PRPF31: variants seen among roughly 807,000 people sequenced by gnomAD.
PRPF31 encodes pre-mRNA processing factor 31.
In PRPF31, 12 loss-of-function variants were observed where a neutral mutation model predicts 60.4. The ratio of observed to expected loss-of-function variants is 0.20; its 90% CI spans 0.13 to 0.32. The LOEUF is 0.32. PRPF31 is among the 10% of genes least tolerant of loss of function. The pLI is 1.00. For missense variants in PRPF31, 431 were observed against 687.1 expected (o/e 0.63, Z 4.17); for synonymous variants, 287 against 287.9 (o/e 1.00, Z 0.03).
chr19:54,116,816 C>A (rs1202267842), intron 1 of PRPF31, among the ~76,000 whole-genome samples: 1 of 152,192 alleles, frequency 6.6e-6, no homozygotes, highest in Non-Finnish European at 1.5e-5. Context: ...TGAGGAGAGC[C>A]AGACGCCATG....
At chr19:54,124,160 C>T (rs2073862824) in intron 7 of PRPF31, 1 of 819,148 alleles carries the variant, frequency 1.2e-6, no homozygotes, top group African/African-American at 1.7e-5. Flanking sequence ...ACACCCAGGC[C>T]CTGTTGTCAG....
intron 3 of PRPF31, 64 bp downstream of exon 3, chr19:54,118,697 C>T (rs1484324043): frequency 1.9e-6 from 3 of 1,553,158 alleles, no homozygotes; most frequent in African/African-American, 2.7e-5. Context: ...CCCTGGCTCC[C>T]TGGCTGCTTG....
chr19:54,131,584 G>C lies in PRPF31; in HGVS notation c.*152G>C. On this transcript the variant is annotated 3_prime_UTR_variant, in exon 14 of 14. Transcript: ENST00000321030. ...CAGGGAGGAGGCCTTGGAAGAGTCC[G>C]GCCTGGCCTCCCCCAGGACCGAGAT... is the stretch of plus-strand genomic sequence containing the variant. The C allele has an allele frequency of 1.1e-5, 14 of 1,217,650 alleles. No homozygotes were observed. The highest frequency in any genetic ancestry group is 1.6e-5 in the Non-Finnish European group (14 of 854,804). 75.4% of individuals were successfully genotyped at this position (1,217,650 alleles called of 1,614,324 possible).
intron 8 of PRPF31, 168 bp downstream of exon 8, chr19:54,124,824 C>T: frequency 1.3e-6 from 1 of 758,576 alleles, no homozygotes; most frequent in Non-Finnish European, 2.2e-6. Flanking sequence ...CAGACCAGCT[C>T]CAGCACCCAC....
chr19:54,130,178 CCGGGCG>C (rs2074018274), intron 13 of PRPF31, among the ~76,000 whole-genome samples: 1 of 138,546 alleles, frequency 7.2e-6, no homozygotes, highest in African/African-American at 2.8e-5. Context: ...AAATGCCAGG[CCGGGCG>C]CAGACAGCTC....
chr19:54,131,214 G>T (rs1245973801), intron 13 of PRPF31, 93 bp from the exon 14 acceptor site: 3 of 1,537,980 alleles, frequency 2.0e-6, no homozygotes, highest in Non-Finnish European at 2.7e-6. Flanking sequence ...CAAGGCCTGA[G>T]TGCCATGGGG....
intron 1 of PRPF31, among the ~76,000 whole-genome samples, chr19:54,117,623 G>T (rs748422528): frequency 9.3e-5 from 14 of 150,696 alleles, no homozygotes; most frequent in African/African-American, 3.2e-4. Flanking sequence ...AAGGTGGGTC[G>T]CTCACTTGAG....
Position 54,131,418 on chromosome 19 carries a change from C to T in PRPF31, c.1486C>T (p.Leu496Phe). 6.2e-7 allele frequency: 1 copy of T among 1,614,100 alleles called. No homozygotes were observed. The change falls in exon 14 of 14, where the codon CTT becomes TTT. Residue 496 changes from leucine to phenylalanine, a missense_variant. Leu to Phe is a conservative substitution (Grantham distance 22, BLOSUM62 0). Coordinates refer to ENST00000321030, the MANE Select transcript of PRPF31 (RefSeq NM_015629.4). ...FLKVKGEKSG[L>F]MST ...CAAGGTCAAGGGCGAGAAGAGTGGC[C>T]TTATGTCCACCTGAATGACTGCGTG...
rs1184467860 is a variant in PRPF31 at position 54,128,339 on chromosome 19, G to C, written c.1108G>C (p.Glu370Gln). 1 of 1,547,682 alleles carries C rather than the reference G, an allele frequency of 6.5e-7. No homozygotes were observed. Among genetic ancestry groups the C allele is most frequent in the South Asian group, 1.2e-5 (1 of 83,958 alleles). ...GATGAAGGAGCGGCTGGGGCTGACGGAGATCCGGAAGCAGGCCAACCGTAT... is the reference window on the plus strand; with the variant it reads ...GATGAAGGAGCGGCTGGGGCTGACGCAGATCCGGAAGCAGGCCAACCGTAT... ...RKMKERLGLT[E>Q]IRKQANRMSF... The change falls in exon 11 of 14, where the codon GAG (glutamate) becomes CAG (glutamine). Residue 370 changes from glutamate (E) to glutamine (Q), a missense_variant. Around this residue, in one of 4 missense-constraint regions of PRPF31, gnomAD observed 314 missense variants for 475.3 expected, o/e 0.66. Coordinates refer to ENST00000321030, the MANE Select transcript of PRPF31 (RefSeq NM_015629.4).
chr19:54,122,588 G>C lies in PRPF31; in HGVS notation c.414G>C (p.Thr138=), dbSNP rs374852494. The change falls in exon 5 of 14, where the codon ACG becomes ACC. Residue 138 remains threonine, a synonymous_variant. Coordinates refer to ENST00000321030, the MANE Select transcript of PRPF31 (RefSeq NM_015629.4). ...CCAATGCACTGGATTACATCCGCAC[G>C]GTCAAGGTGAGCGCAGAGAAGGTGG... ...LVPNALDYIR[T]VKELGNSLDK... is the part of the protein sequence containing the mutation. The C allele has an allele frequency of 1.2e-6, 2 of 1,613,648 alleles. No homozygotes were observed. The highest frequency in any genetic ancestry group is 1.3e-5 in the African/African-American group (1 of 74,880).
intron 12 of PRPF31, 33 bp downstream of exon 12, chr19:54,129,218 G>A (rs778777428): frequency 1.1e-5 from 18 of 1,598,602 alleles, no homozygotes; most frequent in South Asian, 3.4e-5. Flanking sequence ...GCTGGGGACC[G>A]AGGGACACAA....
chr19:54,121,319 A>G (rs1437173459), intron 3 of PRPF31, among the ~76,000 whole-genome samples: 4 of 120,078 alleles, frequency 3.3e-5, no homozygotes, highest in African/African-American at 6.3e-5. Flanking sequence ...AAAAAAAAAA[A>G]GGCTAGGAGG....
rs1415051331 is a variant in PRPF31, at chr19:54,128,131, C to T, written c.1004C>T (p.Pro335Leu). ...ERKFDKWQEP[P>L]PVKQVKPLPA... ...AAATTCGACAAGTGGCAGGAGCCGC[C>T]GCCTGTGAAGCAGGTGAAGCCGCTG... Residue 335 changes from proline to leucine, a missense_variant, in exon 10 of 14, where the codon CCG becomes CTG. This residue lies in a region of PRPF31 where 314 missense variants were observed against 475.3 expected (regional missense o/e 0.66). Transcript: ENST00000321030. The T allele has an allele frequency of 1.3e-6, 2 of 1,554,208 alleles. No homozygotes were observed. The highest frequency in any genetic ancestry group is 2.4e-5 in the East Asian group (1 of 42,380).
At chr19:54,129,401 C>T (rs752380097) in intron 13 of PRPF31, 31 bp downstream of exon 13, 28 of 1,561,788 alleles carry the variant, frequency 1.8e-5, no homozygotes, top group Admixed American at 1.5e-4. Flanking sequence ...CTGTCCCCAG[C>T]CCTGAGACCT....
In PRPF31 at chr19:54,131,326, C is replaced by G; in HGVS notation, c.1394C>G (p.Pro465Arg). 6.2e-7 allele frequency: 1 copy of G among 1,614,018 alleles called. No individual in the cohort carries two copies. Reference sequence around the variant, plus strand: ...GCCCAGGGCCTGGAGATTGTGAACCCACAGGCGGCAGAGAAGAAGGTGGCT... The same window carrying G: ...GCCCAGGGCCTGGAGATTGTGAACCGACAGGCGGCAGAGAAGAAGGTGGCT... ...TPLQGLEIVN[P>R]QAAEKKVAEA... Residue 465 changes from proline (P) to arginine (R), a missense_variant, in exon 14 of 14, where the codon CCA becomes CGA. Physicochemically the swap from Pro to Arg is moderately radical, Grantham distance 103. Transcript: ENST00000321030.
intron 7 of PRPF31, chr19:54,124,251 T>C: frequency 1.6e-6 from 1 of 631,148 alleles, no homozygotes; most frequent in South Asian, 1.9e-5. Flanking sequence ...ACAAACGTGG[T>C]GGTCAGCTTC....
intron 1 of PRPF31, among the ~76,000 whole-genome samples, chr19:54,117,244 G>A (rs1282989321): frequency 6.6e-6 from 1 of 152,148 alleles, no homozygotes; most frequent in African/African-American, 2.4e-5. Context: ...AGTGGGGGGT[G>A]GTGAAAGTAA....
chr19:54,130,256 G>C (rs1314129060), intron 13 of PRPF31, among the ~76,000 whole-genome samples: 1 of 133,308 alleles, frequency 7.5e-6, no homozygotes, highest in African/African-American at 2.8e-5. Flanking sequence ...AGCTCAGTAA[G>C]ATGTCCAGTG....
At position 54,122,348 on chromosome 19, in the gene PRPF31, G is replaced by A; in HGVS notation, c.323-149G>A. 5.2e-6 allele frequency: 4 copies of A among 774,072 alleles called. No homozygotes were observed. The South Asian group carries it at 5.4e-5, about 11-fold the overall frequency. The allele number at this position is 774,072 out of a possible 1,614,324, so 48.0% of individuals were successfully genotyped here. ...CTGGTCACACCTAGCGGTAAGGACGGCTGAGAAAGGCTGTATGCTGGTGCC... is the reference window on the plus strand; with the variant it reads ...CTGGTCACACCTAGCGGTAAGGACGACTGAGAAAGGCTGTATGCTGGTGCC... On this transcript the variant is annotated intron_variant, in intron 4 of 13. Coordinates refer to ENST00000321030, the MANE Select transcript of PRPF31 (RefSeq NM_015629.4).
Sources: gnomAD v4.1 joint callset for allele counts (sites outside exome capture counted in the v4.1 genomes callset) on GRCh38, gnomAD v4.1.1 for gene constraint, gnomAD v4.1.1 regional missense constraint, MANE v1.5 for transcripts, NCBI Gene and HGNC (gene_info 2026-07-23, HGNC 2026-07-21) for gene names.